Variants in SEMA5A observed in about 807,000 individuals in gnomAD.
SEMA5A encodes the protein semaphorin 5A.
Under a neutral mutation model 135.5 loss-of-function variants are expected in SEMA5A, and 55 were observed. That is an observed-to-expected ratio of 0.41 (90% CI 0.33 to 0.51). The LOEUF (loss-of-function observed/expected upper bound fraction) is 0.51, where lower values mean the gene tolerates loss of function less well. Among genes scored for constraint, SEMA5A ranks in the 20% least tolerant of loss-of-function variants. The probability of loss-of-function intolerance (pLI) is 0.37; values close to 1 mark genes in which losing one functional copy is unlikely to be tolerated. For missense variants in SEMA5A, 1,290 were observed against 1,419.9 expected, an observed-to-expected ratio of 0.91 and a Z score of 1.47; for synonymous variants, 580 against 546.5, an observed-to-expected ratio of 1.06 and a Z score of -0.85.
intron 4 of SEMA5A, among the ~76,000 whole-genome samples, chr5:9,335,627 C>T (rs1338994428): frequency 2.0e-5 from 3 of 152,182 alleles, no homozygotes; most frequent in Admixed American, 6.5e-5. Flanking sequence ...TGCCCCACCC[C>T]GGTAAGGGGT....
rs1425104819 is a variant in SEMA5A, at chr5:9,036,476, A to T, written c.*6421T>A. On this transcript the variant is annotated 3_prime_UTR_variant, in exon 23 of 23. Coordinates refer to ENST00000382496, the MANE Select transcript of SEMA5A (RefSeq NM_003966.3). ...TTTCCTCTATCTATGGACTTGCCTGAAGAGAAACAGAAACAAAAACCTCTA... is the reference window on the plus strand; with the variant it reads ...TTTCCTCTATCTATGGACTTGCCTGTAGAGAAACAGAAACAAAAACCTCTA... 1.3e-5 allele frequency: 2 copies of T among 152,192 alleles called. No homozygotes were observed. Among genetic ancestry groups the T allele is most frequent in the Admixed American group, 1.3e-4 (2 of 15,280 alleles). 9.4% of individuals were successfully genotyped at this position (152,192 alleles called of 1,614,324 possible). A position where few individuals can be genotyped will look rare whatever the true frequency, so the allele number is the denominator to read the frequency against.
chr5:9,037,837 C>G lies in SEMA5A; in HGVS notation c.*5060G>C, dbSNP rs182749387. On this transcript the variant is annotated 3_prime_UTR_variant, in exon 23 of 23. Transcript: ENST00000382496. ...TCTTTAAATCCATTATAATTAATGA[C>G]CTCAATAGGGCAGAATAGCAGAAAT... 1 of 152,234 alleles carries G rather than the reference C, an allele frequency of 6.6e-6. No individual in the cohort carries two copies. The highest frequency in any genetic ancestry group is 1.9e-4 in the East Asian group (1 of 5,176). The allele number at this position is 152,234 out of a possible 1,614,324, so 9.4% of individuals were successfully genotyped here. A position where few individuals can be genotyped will look rare whatever the true frequency, so the allele number is the denominator to read the frequency against.
chr5:9,542,224 C>T (rs900764294), intron 1 of SEMA5A, among the ~76,000 whole-genome samples: 1 of 152,136 alleles, frequency 6.6e-6, no homozygotes, highest in Admixed American at 6.5e-5. Flanking sequence ...TGAATTTATC[C>T]CCAAGTTGCT....
intron 1 of SEMA5A, among the ~76,000 whole-genome samples, chr5:9,474,337 C>T (rs1759589957): frequency 6.6e-6 from 1 of 151,980 alleles, no homozygotes; most frequent in Admixed American, 6.6e-5. Context: ...CATCTGCTGG[C>T]TTAAAGGGAT....
intron 16 of SEMA5A, among the ~76,000 whole-genome samples, chr5:9,084,684 G>T (rs1738583550): frequency 6.6e-6 from 1 of 151,984 alleles, no homozygotes; most frequent in East Asian, 1.9e-4. Flanking sequence ...CCCTTGTCTT[G>T]GGTATGTCTT....
chr5:9,043,462 T>G (rs1431702590), intron 22 of SEMA5A, among the ~76,000 whole-genome samples: 2 of 152,240 alleles, frequency 1.3e-5, no homozygotes, highest in Non-Finnish European at 2.9e-5. Context: ...TGGAACTTAT[T>G]TAAGTAAGGG....
chr5:9,432,554 A>C (rs1757895128), intron 2 of SEMA5A, among the ~76,000 whole-genome samples: 1 of 152,142 alleles, frequency 6.6e-6, no homozygotes, highest in African/African-American at 2.4e-5. Context: ...TAGCCAAGAA[A>C]TCTAACAAAA....
At chr5:9,436,419 T>C (rs1170046087) in intron 2 of SEMA5A, among the ~76,000 whole-genome samples, 1 of 152,180 alleles carries the variant, frequency 6.6e-6, no homozygotes, top group African/African-American at 2.4e-5. Context: ...CCGTTTCTTC[T>C]TCTGCAAAAC....
At chr5:9,451,138 C>T (rs1015845370) in intron 1 of SEMA5A, among the ~76,000 whole-genome samples, 3 of 152,124 alleles carry the variant, frequency 2.0e-5, no homozygotes, top group South Asian at 2.1e-4. Context: ...TTGTCGGTTA[C>T]GCTTCTCATC....
chr5:9,389,022 C>T (rs1343742955), intron 2 of SEMA5A, among the ~76,000 whole-genome samples: 8 of 152,292 alleles, frequency 5.3e-5, no homozygotes, highest in East Asian at 1.9e-4. Flanking sequence ...GAAGAAAAGA[C>T]GATACCCTTC....
intron 2 of SEMA5A, among the ~76,000 whole-genome samples, chr5:9,413,975 A>AGC (rs1757195308): frequency 6.6e-6 from 1 of 152,226 alleles, no homozygotes; most frequent in Admixed American, 6.5e-5. Context: ...AATAAAACTC[A>AGC]TCAGAGAAGC....
chr5:9,081,365 T>A (rs931605568), intron 16 of SEMA5A, among the ~76,000 whole-genome samples: 1 of 152,166 alleles, frequency 6.6e-6, no homozygotes. Context: ...CAACTGAATT[T>A]GTGCTAATTT....
Position 9,362,290 on chromosome 5 carries a change from G to A in SEMA5A, c.124+17533C>T, listed in dbSNP as rs139587903. 3.4e-3 allele frequency among the ~76,000 whole-genome samples: 512 copies of A among 152,186 alleles called. 3 individuals carry two copies. The highest frequency in any genetic ancestry group is 0.012 in the African/African-American group (497 of 41,512). On this transcript the variant is annotated intron_variant, in intron 3 of 22. Transcript: ENST00000382496. ...GGTTCCTACTGAGGATTCCAGACTTGACCTCTCTTTTTTATTTCTGTCCCC... is the reference window on the plus strand; with the variant it reads ...GGTTCCTACTGAGGATTCCAGACTTAACCTCTCTTTTTTATTTCTGTCCCC...
At chr5:9,303,263 C>G (rs1231740564) in intron 5 of SEMA5A, among the ~76,000 whole-genome samples, 1 of 151,858 alleles carries the variant, frequency 6.6e-6, no homozygotes, top group Non-Finnish European at 1.5e-5. Flanking sequence ...AATACAGGCG[C>G]CCACCACCAT....
intron 1 of SEMA5A, among the ~76,000 whole-genome samples, chr5:9,525,066 A>T (rs1737053417): frequency 6.6e-6 from 1 of 152,252 alleles, no homozygotes; most frequent in Non-Finnish European, 1.5e-5. Flanking sequence ...CTTGAACTAC[A>T]AAAATAGCTA....
chr5:9,350,710 T>A (rs1394092829), intron 3 of SEMA5A, among the ~76,000 whole-genome samples: 1 of 152,220 alleles, frequency 6.6e-6, no homozygotes, highest in African/African-American at 2.4e-5. Flanking sequence ...CAAATGTCAT[T>A]TCTGGGAGAA....
chr5:9,380,745 C>T (rs906613451), intron 2 of SEMA5A, among the ~76,000 whole-genome samples: 2 of 152,098 alleles, frequency 1.3e-5, no homozygotes, highest in Non-Finnish European at 2.9e-5. Flanking sequence ...GTAATACAGG[C>T]CTGTAAAAAT....
intron 5 of SEMA5A, among the ~76,000 whole-genome samples, chr5:9,313,656 G>C (rs1185530737): frequency 6.6e-6 from 1 of 152,128 alleles, no homozygotes; most frequent in Non-Finnish European, 1.5e-5. Context: ...ATAAGTACTA[G>C]TCAGAAGTAA....
intron 1 of SEMA5A, among the ~76,000 whole-genome samples, chr5:9,467,340 T>C (rs1268074766): frequency 1.3e-5 from 2 of 152,060 alleles, no homozygotes; most frequent in African/African-American, 4.8e-5. Context: ...TCTTGAACTG[T>C]TGACCTCATG....
Sources: allele counts gnomAD v4.1 joint callset (sites outside exome capture counted in the v4.1 genomes callset), GRCh38; gene constraint gnomAD v4.1.1; transcripts MANE v1.5; gene names NCBI Gene and HGNC (gene_info 2026-07-23, HGNC 2026-07-21).